The following NCAM2 variants were observed in gnomAD, a reference collection of about 807,000 sequenced individuals.
The protein encoded by NCAM2 is N-CAM-2.
Under a neutral mutation model 98.1 loss-of-function variants are expected in NCAM2, and 30 were observed. The observed-to-expected ratio is 0.31, with a 90% CI of 0.23 to 0.41. NCAM2 has a LOEUF of 0.41. Among genes scored for constraint, NCAM2 ranks in the 10% least tolerant of loss-of-function variants. The pLI is 1.00. For synonymous variants in NCAM2, 368 were observed against 342.4 expected, an observed-to-expected ratio of 1.07 and a Z score of -0.83; for missense variants, 867 against 1,005.8, an observed-to-expected ratio of 0.86 and a Z score of 1.87.
chr21:21,285,469 T>C (rs2073066617), intron 3 of NCAM2, among the ~76,000 whole-genome samples: 2 of 151,948 alleles, frequency 1.3e-5, no homozygotes, highest in Non-Finnish European at 2.9e-5. Context: ...CTAATTTATG[T>C]AACCCCCTAG....
intron 16 of NCAM2, among the ~76,000 whole-genome samples, chr21:21,531,858 T>C (rs907417556): frequency 6.9e-6 from 1 of 145,360 alleles, no homozygotes; most frequent in East Asian, 2.0e-4. Context: ...CCGGGCGTGG[T>C]GGTGGGCGCC....
intron 3 of NCAM2, among the ~76,000 whole-genome samples, chr21:21,285,595 A>C (rs577354018): frequency 6.6e-6 from 1 of 152,116 alleles, no homozygotes; most frequent in Non-Finnish European, 1.5e-5. Context: ...ACATTTGCAA[A>C]GGTAAAAAAA....
In NCAM2 at chr21:21,161,408, A is replaced by G. The variant is rs561251460; in HGVS notation, c.56-119170A>G. Among the ~76,000 whole-genome samples the G allele has an allele frequency of 2.0e-5, 3 of 151,814 alleles. No individual in the cohort carries two copies. The East Asian group carries it at 5.8e-4, about 29-fold the overall frequency. On this transcript the variant is annotated intron_variant, in intron 1 of 17. Coordinates refer to ENST00000400546, the MANE Select transcript of NCAM2 (RefSeq NM_004540.5). ...CTGTTTACTATATGCCAGATTTCAG[A>G]TTAAGCAATTGTGTGGTAGGGTTGT...
At chr21:21,388,050 T>C (rs1056516912) in intron 9 of NCAM2, among the ~76,000 whole-genome samples, 2 of 152,208 alleles carry the variant, frequency 1.3e-5, no homozygotes, top group African/African-American at 2.4e-5. Context: ...ACAGCAGTGC[T>C]TGACTCATTG....
At chr21:21,268,197 C>T (rs1185430727) in intron 1 of NCAM2, among the ~76,000 whole-genome samples, 2 of 152,138 alleles carry the variant, frequency 1.3e-5, no homozygotes, top group South Asian at 2.1e-4. Flanking sequence ...GAGGATTTTT[C>T]GGAGTTCAGC....
At chr21:21,169,593 A>G (rs1313291399) in intron 1 of NCAM2, among the ~76,000 whole-genome samples, 1 of 152,192 alleles carries the variant, frequency 6.6e-6, no homozygotes, top group Admixed American at 6.5e-5. Flanking sequence ...AAATTCAACA[A>G]TAAGAAAATC....
intron 16 of NCAM2, among the ~76,000 whole-genome samples, chr21:21,528,161 C>G (rs187812671): frequency 6.6e-6 from 1 of 152,156 alleles, no homozygotes; most frequent in Non-Finnish European, 1.5e-5. Flanking sequence ...AAGCAAAAGA[C>G]ACTAAAAAGA....
intron 1 of NCAM2, among the ~76,000 whole-genome samples, chr21:21,262,858 C>A (rs1437772721): frequency 6.6e-6 from 1 of 151,942 alleles, no homozygotes. Context: ...TCTCAGATGG[C>A]AGCAGAGAGA....
chr21:21,492,058 G>T (rs1986887553), intron 15 of NCAM2, among the ~76,000 whole-genome samples: 1 of 151,176 alleles, frequency 6.6e-6, no homozygotes, highest in South Asian at 2.1e-4. Context: ...ATTTTTTATT[G>T]TTCTACTATT....
At chr21:21,444,567 G>T (rs757666833) in intron 12 of NCAM2, among the ~76,000 whole-genome samples, 1 of 152,086 alleles carries the variant, frequency 6.6e-6, no homozygotes, top group Non-Finnish European at 1.5e-5. Flanking sequence ...TCATGGGAGG[G>T]TGTATGTGTC....
intron 1 of NCAM2, among the ~76,000 whole-genome samples, chr21:21,132,474 C>T (rs892652423): frequency 2.6e-5 from 4 of 151,904 alleles, no homozygotes; most frequent in Admixed American, 2.0e-4. Context: ...AGGGATTGCT[C>T]TGTCTACCAT....
intron 10 of NCAM2, among the ~76,000 whole-genome samples, chr21:21,417,408 T>C (rs186426490): frequency 6.6e-6 from 1 of 152,210 alleles, no homozygotes; most frequent in Admixed American, 6.5e-5. Context: ...AGAAAACGAA[T>C]GACACAGCTT....
chr21:21,329,255 T>G (rs189041981), intron 6 of NCAM2, among the ~76,000 whole-genome samples: 1 of 152,168 alleles, frequency 6.6e-6, no homozygotes, highest in African/African-American at 2.4e-5. Flanking sequence ...CAAAAAACAC[T>G]TTTATACCAT....
At chr21:21,265,346 GTA>G (rs200473071) in intron 1 of NCAM2, among the ~76,000 whole-genome samples, 2,005 of 120,920 alleles carry the variant, frequency 0.017, 52 homozygotes, top group African/African-American at 0.057. Context: ...ATATGTGTAT[GTA>G]TGTATATATT....
At chr21:21,462,457 A>G (rs1192632206) in intron 12 of NCAM2, among the ~76,000 whole-genome samples, 1 of 152,020 alleles carries the variant, frequency 6.6e-6, no homozygotes. Context: ...ACTTCTCTTG[A>G]CAGCCAACAG....
intron 1 of NCAM2, among the ~76,000 whole-genome samples, chr21:21,031,440 G>A (rs543987665): frequency 6.6e-6 from 1 of 152,166 alleles, no homozygotes; most frequent in African/African-American, 2.4e-5. Context: ...AGTGGTTACT[G>A]TTGGGCCCAA....
intron 6 of NCAM2, among the ~76,000 whole-genome samples, chr21:21,327,473 G>C (rs2074550193): frequency 6.6e-6 from 1 of 151,884 alleles, no homozygotes; most frequent in African/African-American, 2.4e-5. Flanking sequence ...TTTTTTGTTT[G>C]TTTTTAATAA....
intron 15 of NCAM2, among the ~76,000 whole-genome samples, chr21:21,502,459 T>C (rs540604206): frequency 6.6e-6 from 1 of 152,062 alleles, no homozygotes; most frequent in Non-Finnish European, 1.5e-5. Flanking sequence ...CAAAGCAAAC[T>C]AAAACATCCC....
intron 1 of NCAM2, among the ~76,000 whole-genome samples, chr21:21,257,445 T>C (rs1224430163): frequency 6.6e-6 from 1 of 152,194 alleles, no homozygotes; most frequent in East Asian, 1.9e-4. Flanking sequence ...TTAGAGCACG[T>C]TGTTTTATCA....
Sources: gnomAD v4.1 joint callset for allele counts (sites outside exome capture counted in the v4.1 genomes callset) on GRCh38, gnomAD v4.1.1 for gene constraint, MANE v1.5 for transcripts, NCBI Gene and HGNC (gene_info 2026-07-23, HGNC 2026-07-21) for gene names.